Variants in CNTN5 observed in about 807,000 individuals in gnomAD.
The protein encoded by CNTN5 is contactin-5.
CNTN5 carries 77 observed loss-of-function variants against 129.1 expected under a neutral mutation model. That is an observed-to-expected ratio of 0.60 (90% CI 0.50 to 0.72). The LOEUF is 0.72. Ranked by LOEUF, CNTN5 falls within the 30% of genes least tolerant of loss-of-function variation. The probability of loss-of-function intolerance (pLI) is 0.00; values close to 1 mark genes in which losing one functional copy is unlikely to be tolerated. For missense variants in CNTN5, 1,478 were observed against 1,328.8 expected (o/e 1.11, Z -1.75); for synonymous variants, 509 against 465.6 (o/e 1.09, Z -1.20).
rs538591190 is a variant in CNTN5 at position 99,959,639 on chromosome 11, C to T, written c.877+2630C>T. On this transcript the variant is annotated intron_variant, in intron 8 of 24. Transcript: ENST00000524871. ...TAATTGAACTGACTGTAGCAGTTGACGTTGTTGACACTTTTTTCTTTTACA... is the reference window on the plus strand; with the variant it reads ...TAATTGAACTGACTGTAGCAGTTGATGTTGTTGACACTTTTTTCTTTTACA... Among the ~76,000 whole-genome samples, 6 of 152,188 alleles carry T rather than the reference C, an allele frequency of 3.9e-5. No homozygotes were observed. In the South Asian group the frequency reaches 8.3e-4, roughly 21 times the overall value.
rs754097988 is a variant in CNTN5 at position 99,669,462 on chromosome 11, GTGTGTGTGTGTA to G, written c.55+113195_55+113206del. On this transcript the variant is annotated intron_variant, in intron 3 of 24. Coordinates refer to ENST00000524871, the MANE Select transcript of CNTN5 (RefSeq NM_014361.4). ...ATATGGTGTGTGTGTGTGTGTGTGT[GTGTGTGTGTGTA>G]TATGTGTATACATATATACACATAT... Among the ~76,000 whole-genome samples the G allele has an allele frequency of 1.0e-3, 83 of 81,512 alleles. 1 individual carries two copies. The highest frequency in any genetic ancestry group is 3.0e-3 in the African/African-American group (75 of 25,146). The allele number at this position is 81,512 out of a possible 152,430, so 53.5% of individuals were successfully genotyped here. A position where few individuals can be genotyped will look rare whatever the true frequency, so the allele number is the denominator to read the frequency against.
chr11:99,970,867 C>T (rs1951231542), intron 8 of CNTN5, among the ~76,000 whole-genome samples: 1 of 152,088 alleles, frequency 6.6e-6, no homozygotes, highest in African/African-American at 2.4e-5. Flanking sequence ...TACTTGCCTT[C>T]AATAGTTTTT....
At chr11:99,558,410 A>G (rs1788120737) in intron 3 of CNTN5, 1 of 216,042 alleles carries the variant, frequency 4.6e-6, no homozygotes. Context: ...TAGCTCTGGT[A>G]TGTTCCATGC....
chr11:99,332,586 T>G (rs2136029953), intron 2 of CNTN5, among the ~76,000 whole-genome samples: 1 of 152,218 alleles, frequency 6.6e-6, no homozygotes, highest in Non-Finnish European at 1.5e-5. Context: ...TTCTCCAGAT[T>G]GAAGTTTTTC....
chr11:99,112,161 A>G (rs1485114148), intron 1 of CNTN5, among the ~76,000 whole-genome samples: 1 of 152,068 alleles, frequency 6.6e-6, no homozygotes, highest in Non-Finnish European at 1.5e-5. Flanking sequence ...CATATGTTAC[A>G]CCGAAGATTT....
intron 13 of CNTN5, among the ~76,000 whole-genome samples, chr11:100,102,607 C>T (rs761861903): frequency 1.3e-5 from 2 of 151,714 alleles, no homozygotes; most frequent in Non-Finnish European, 2.9e-5. Flanking sequence ...AAAAAGTGGT[C>T]AAAAACTGAT....
chr11:99,727,890 C>G (rs1027208557), intron 3 of CNTN5, among the ~76,000 whole-genome samples: 1 of 141,004 alleles, frequency 7.1e-6, no homozygotes, highest in Non-Finnish European at 1.5e-5. Context: ...GCACAATTAT[C>G]CATCACTGTC....
intron 3 of CNTN5, among the ~76,000 whole-genome samples, chr11:99,700,918 T>A (rs1388263448): frequency 1.3e-5 from 2 of 151,248 alleles, no homozygotes; most frequent in African/African-American, 2.4e-5. Flanking sequence ...ATGTTCTACC[T>A]TCCATCTTGG....
intron 3 of CNTN5, among the ~76,000 whole-genome samples, chr11:99,733,508 G>T (rs17134290): frequency 0.012 from 1,813 of 152,002 alleles, 49 homozygotes; most frequent in African/African-American, 0.041. Flanking sequence ...GAATAAAGGT[G>T]GTAGCTATGG....
chr11:100,156,924 C>CT (rs1448762644), intron 13 of CNTN5, among the ~76,000 whole-genome samples: 4 of 151,752 alleles, frequency 2.6e-5, no homozygotes, highest in Admixed American at 6.6e-5. Flanking sequence ...GTTTGTTAGT[C>CT]TTTTTAAAAA....
intron 6 of CNTN5, among the ~76,000 whole-genome samples, chr11:99,914,099 T>C (rs1949728785): frequency 6.6e-6 from 1 of 152,028 alleles, no homozygotes; most frequent in Non-Finnish European, 1.5e-5. Flanking sequence ...TAGCTGAGTA[T>C]ATTGGCATGT....
intron 13 of CNTN5, among the ~76,000 whole-genome samples, chr11:100,137,018 C>CATATATGTA (rs1319107540): frequency 3.0e-4 from 45 of 151,762 alleles, no homozygotes; most frequent in African/African-American, 1.0e-3. Context: ...TGTATGTTTA[C>CATATATGTA]ATATATGTAA....
At chr11:99,833,435 C>G (rs958556923) in intron 4 of CNTN5, among the ~76,000 whole-genome samples, 8 of 152,064 alleles carry the variant, frequency 5.3e-5, no homozygotes, top group Admixed American at 2.0e-4. Context: ...CTGTTTCTTA[C>G]TTTCAGTAGA....
intron 2 of CNTN5, among the ~76,000 whole-genome samples, chr11:99,433,361 T>TA (rs10630841): frequency 0.06 from 8,067 of 133,402 alleles, 792 homozygotes; most frequent in African/African-American, 0.21. Flanking sequence ...GTTTATCTGG[T>TA]AAAAAAAAAA....
intron 6 of CNTN5, 104 bp downstream of exon 6, chr11:99,845,366 C>CTTTTTTTTTT (rs869305728): frequency 1.2e-5 from 1 of 85,480 alleles, no homozygotes; most frequent in Admixed American, 2.1e-4. Context: ...GATCTCAAAT[C>CTTTTTTTTTT]TTTTTTTTTT....
chr11:99,652,886 G>A (rs939643362), intron 3 of CNTN5, among the ~76,000 whole-genome samples: 7 of 151,792 alleles, frequency 4.6e-5, no homozygotes, highest in Admixed American at 3.3e-4. Context: ...TGCCCCCAAG[G>A]GTTTCAGATA....
At chr11:99,863,270 TC>T (rs557891065) in intron 6 of CNTN5, among the ~76,000 whole-genome samples, 57 of 152,152 alleles carry the variant, frequency 3.7e-4, no homozygotes, top group Non-Finnish European at 3.5e-4. Context: ...AAGGACAAAG[TC>T]AATGAGAGAT....
chr11:99,439,707 CAAAAA>C (rs376871051), intron 2 of CNTN5, among the ~76,000 whole-genome samples: 3 of 95,468 alleles, frequency 3.1e-5, no homozygotes, highest in Admixed American at 1.3e-4. Flanking sequence ...GACTCTGTCT[CAAAAA>C]AAAAAAAAAA....
intron 13 of CNTN5, among the ~76,000 whole-genome samples, chr11:100,086,486 C>A (rs1944561466): frequency 6.7e-6 from 1 of 148,534 alleles, no homozygotes; most frequent in Non-Finnish European, 1.5e-5. Flanking sequence ...GTTAACCAAT[C>A]AAAAAACAGA....
Sources: gnomAD v4.1 joint callset for allele counts (sites outside exome capture counted in the v4.1 genomes callset) on GRCh38, gnomAD v4.1.1 for gene constraint, MANE v1.5 for transcripts, NCBI Gene and HGNC (gene_info 2026-07-23, HGNC 2026-07-21) for gene names.